Variants in PRR16 observed in about 807,000 individuals in gnomAD.
PRR16 encodes the protein proline rich 16.
PRR16 carries 6 observed loss-of-function variants against 18.2 expected under a neutral mutation model. That is an observed-to-expected ratio of 0.33 (90% CI 0.18 to 0.65). The LOEUF (loss-of-function observed/expected upper bound fraction) is 0.65, where lower values mean the gene tolerates loss of function less well. Ranked by LOEUF, PRR16 falls within the 30% of genes least tolerant of loss-of-function variation. The pLI is 0.74. For synonymous variants in PRR16, 151 were observed against 147.8 expected (o/e 1.02, Z -0.16); for missense variants, 412 against 376.6 (o/e 1.09, Z -0.78).
At chr5:120,514,181 A>T (rs1670233825) in intron 1 of PRR16, among the ~76,000 whole-genome samples, 1 of 152,148 alleles carries the variant, frequency 6.6e-6, no homozygotes, top group South Asian at 2.1e-4. Flanking sequence ...TTTTTAGCCT[A>T]ATGATTTACT....
chr5:120,790,140 A>G, the PRR16 span: 13 of 152,140 alleles, frequency 8.5e-5, no homozygotes, highest in Non-Finnish European at 1.5e-4. Flanking sequence ...GCATAAAATC[A>G]TCTTCCTCTA....
the PRR16 span, among the ~76,000 whole-genome samples, chr5:120,727,710 A>T: frequency 6.6e-6 from 1 of 152,138 alleles, no homozygotes; most frequent in Non-Finnish European, 1.5e-5. Flanking sequence ...AAGACTGTAG[A>T]TATTTATGTT....
At chr5:120,708,164 T>C in the PRR16 span, among the ~76,000 whole-genome samples, 2,337 of 152,296 alleles carry the variant, frequency 0.015, 57 homozygotes, top group African/African-American at 0.052. Flanking sequence ...CAGTTAAATC[T>C]CCTAAATTTA....
the PRR16 span, among the ~76,000 whole-genome samples, chr5:120,781,712 AAG>A: frequency 7.1e-6 from 1 of 140,520 alleles, no homozygotes; most frequent in Non-Finnish European, 1.6e-5. Context: ...TATGTGAAAA[AAG>A]AGATACAGTT....
the PRR16 span, among the ~76,000 whole-genome samples, chr5:120,735,222 A>G: frequency 1.3e-5 from 2 of 152,172 alleles, no homozygotes; most frequent in Admixed American, 6.5e-5. Flanking sequence ...ATGCTGTCCC[A>G]TTATATGTAT....
chr5:120,635,679 G>C (rs1580813719), intron 1 of PRR16, among the ~76,000 whole-genome samples: 1 of 152,174 alleles, frequency 6.6e-6, no homozygotes, highest in East Asian at 1.9e-4. Flanking sequence ...ATGGGGAAAA[G>C]TTAAAAGCAT....
At chr5:120,720,042 A>G in the PRR16 span, among the ~76,000 whole-genome samples, 2 of 152,006 alleles carry the variant, frequency 1.3e-5, no homozygotes, top group African/African-American at 4.8e-5. Context: ...CTTAGGCCCA[A>G]AGTAGAGCAC....
At chr5:120,671,829 A>G (rs1033923107) in intron 1 of PRR16, among the ~76,000 whole-genome samples, 1 of 152,150 alleles carries the variant, frequency 6.6e-6, no homozygotes, top group African/African-American at 2.4e-5. Context: ...TATGTATGAA[A>G]AAGAGAGAAG....
chr5:120,657,084 A>G (rs914080641), intron 1 of PRR16, among the ~76,000 whole-genome samples: 2 of 151,976 alleles, frequency 1.3e-5, no homozygotes, highest in African/African-American at 4.8e-5. Context: ...AAAAATCATC[A>G]CAAAATCAAA....
the PRR16 span, among the ~76,000 whole-genome samples, chr5:120,769,362 G>A: frequency 6.6e-6 from 1 of 150,496 alleles, no homozygotes; most frequent in Non-Finnish European, 1.5e-5. Context: ...TTGTGGTAAG[G>A]ACACACAACA....
chr5:120,766,370 C>G, the PRR16 span, among the ~76,000 whole-genome samples: 1 of 151,834 alleles, frequency 6.6e-6, no homozygotes, highest in Non-Finnish European at 1.5e-5. Context: ...ATTAAGAAAA[C>G]ACATCTATTG....
At chr5:120,768,033 T>C in the PRR16 span, among the ~76,000 whole-genome samples, 1 of 151,832 alleles carries the variant, frequency 6.6e-6, no homozygotes, top group Admixed American at 6.6e-5. Context: ...AATAGTGTTA[T>C]CACCCCAGAA....
chr5:120,666,391 A>G (rs1756377386), intron 1 of PRR16, among the ~76,000 whole-genome samples: 1 of 152,070 alleles, frequency 6.6e-6, no homozygotes, highest in African/African-American at 2.4e-5. Context: ...ATATACAATC[A>G]TGTCATCTGC....
chr5:120,510,249 ATTTATGATTGGCAGAACAC>A (rs1750786665), intron 1 of PRR16, among the ~76,000 whole-genome samples: 1 of 152,194 alleles, frequency 6.6e-6, no homozygotes, highest in Non-Finnish European at 1.5e-5. Context: ...TGGGCAAAGT[ATTTATGATTGGCAGAACAC>A]TTTGTGTTCT....
In PRR16 at chr5:120,610,617, GC is replaced by G. The variant is rs140767324; in HGVS notation, c.160-75336del. ...TCTAATAGGTTTATCAGGGGTTTCT[GC>G]TTTTGCTTATTCCTCATTTTCTCTT... On this transcript the variant is annotated intron_variant, in intron 1 of 1. Coordinates refer to ENST00000407149, the MANE Select transcript of PRR16 (RefSeq NM_001300783.2). 4.2e-3 allele frequency among the ~76,000 whole-genome samples: 646 copies of G among 152,104 alleles called. 4 individuals are homozygous for G. The highest frequency in any genetic ancestry group is 0.015 in the African/African-American group (622 of 41,472).
intron 1 of PRR16, among the ~76,000 whole-genome samples, chr5:120,568,178 G>T (rs1470629091): frequency 6.6e-6 from 1 of 152,178 alleles, no homozygotes; most frequent in African/African-American, 2.4e-5. Flanking sequence ...GATGTGACCA[G>T]GCAGTGAGCA....
At chr5:120,629,848 A>G (rs1411272974) in intron 1 of PRR16, among the ~76,000 whole-genome samples, 1 of 151,928 alleles carries the variant, frequency 6.6e-6, no homozygotes, top group Non-Finnish European at 1.5e-5. Context: ...CATTTTAAAA[A>G]TATTAACCCA....
the PRR16 span, among the ~76,000 whole-genome samples, chr5:120,740,892 TATC>T: frequency 4.3e-4 from 66 of 152,136 alleles, no homozygotes; most frequent in Non-Finnish European, 7.6e-4. Context: ...CATAAAAAGG[TATC>T]ATTTAACTTT....
intron 1 of PRR16, among the ~76,000 whole-genome samples, chr5:120,570,825 T>A (rs1421795017): frequency 6.6e-6 from 1 of 152,096 alleles, no homozygotes; most frequent in East Asian, 1.9e-4. Flanking sequence ...TCTGTAAATT[T>A]AAAAACAACT....
Sources: gnomAD v4.1 joint callset for allele counts (sites outside exome capture counted in the v4.1 genomes callset) on GRCh38, gnomAD v4.1.1 for gene constraint, MANE v1.5 for transcripts, NCBI Gene and HGNC (gene_info 2026-07-23, HGNC 2026-07-21) for gene names.